The following WNT2 variants were observed in gnomAD, a reference collection of about 807,000 sequenced individuals.
WNT2 encodes Wnt family member 2.
A neutral mutation model predicts 36.9 loss-of-function variants in WNT2; 12 were observed. The ratio of observed to expected loss-of-function variants is 0.33; its 90% CI spans 0.21 to 0.53. The LOEUF is 0.53. Among genes scored for constraint, WNT2 ranks in the 20% least tolerant of loss-of-function variants. The pLI is 0.95. For missense variants in WNT2, 379 were observed against 473.1 expected (o/e 0.80, Z 1.84); for synonymous variants, 163 against 174.6 (o/e 0.93, Z 0.52).
chr7:117,317,624 G>T (rs964782574), intron 2 of WNT2, among the ~76,000 whole-genome samples: 1 of 152,138 alleles, frequency 6.6e-6, no homozygotes, highest in East Asian at 1.9e-4. Flanking sequence ...TTGATCTTGG[G>T]CCTTTTCTTA....
At chr7:117,315,393 T>C in intron 2 of WNT2, 45 bp from the exon 3 acceptor site, 1 of 1,563,040 alleles carries the variant, frequency 6.4e-7, no homozygotes, top group Non-Finnish European at 8.7e-7. Flanking sequence ...GTAGCACTAT[T>C]TCTGAATAAC....
At chr7:117,289,160 C>T (rs980041708) in intron 4 of WNT2, among the ~76,000 whole-genome samples, 7 of 148,296 alleles carry the variant, frequency 4.7e-5, no homozygotes, top group African/African-American at 1.7e-4. Context: ...CCCAGGTTCA[C>T]GCTATTCTCC....
At position 117,290,691 on chromosome 7, in the gene WNT2, C is replaced by T. The variant is rs572000795; in HGVS notation, c.853+6921G>A. On this transcript the variant is annotated intron_variant, in intron 4 of 4. Coordinates refer to ENST00000265441, the MANE Select transcript of WNT2 (RefSeq NM_003391.3). ...ACAAGGACTGAAACCTAAACACCAC[C>T]ACTTTCCTGCCCCAGTGTGAGGGTT... 2.0e-5 allele frequency among the ~76,000 whole-genome samples: 3 copies of T among 152,312 alleles called. No individual in the cohort carries two copies. In the South Asian group the frequency reaches 6.2e-4, roughly 32 times the overall value.
intron 3 of WNT2, among the ~76,000 whole-genome samples, chr7:117,302,365 A>C (rs1794922890): frequency 6.6e-6 from 1 of 152,232 alleles, no homozygotes; most frequent in African/African-American, 2.4e-5. Context: ...TAAAAATGTC[A>C]ATTTTTTTAA....
chr7:117,285,424 A>G (rs139441149), intron 4 of WNT2, among the ~76,000 whole-genome samples: 1 of 152,246 alleles, frequency 6.6e-6, no homozygotes, highest in African/African-American at 2.4e-5. Context: ...TCTGGTTCAG[A>G]GAAGCCAATA....
At position 117,297,810 on chromosome 7, in the gene WNT2, T is replaced by G. The variant is rs1389528247; in HGVS notation, c.655A>C (p.Thr219Pro). The change falls in exon 4 of 5, where the codon ACA (threonine) becomes CCA (proline). Residue 219 changes from threonine to proline, a missense_variant. Physicochemically the swap from Thr to Pro is conservative, Grantham distance 38. Coordinates refer to ENST00000265441, the MANE Select transcript of WNT2 (RefSeq NM_003391.3). ...HGVSGSCTLR[T>P]CWLAMADFRK... is the part of the protein sequence containing the mutation. ...AAGTCGGCCATGGCCAGCCAGCATG[T>G]CCTGAGAGTACATGAGCCGCTCACC... The G allele has an allele frequency of 6.2e-7, 1 of 1,614,022 alleles. No individual in the cohort carries two copies. The highest frequency in any genetic ancestry group is 8.5e-7 in the Non-Finnish European group (1 of 1,180,018).
At position 117,304,904 on chromosome 7, in the gene WNT2, G is replaced by T. The variant is rs944632091; in HGVS notation, c.589-7028C>A. 2.6e-5 allele frequency among the ~76,000 whole-genome samples: 4 copies of T among 152,254 alleles called. No homozygotes were observed. In the East Asian group the frequency reaches 7.7e-4, roughly 29 times the overall value. ...TGGCTCTTTCCACCCCCTTACTCAT[G>T]TCTACCCAGAGGAAGATAAGTGATT... On this transcript the variant is annotated intron_variant, in intron 3 of 4. Coordinates refer to ENST00000265441, the MANE Select transcript of WNT2 (RefSeq NM_003391.3).
chr7:117,299,290 C>T (rs1794856279), intron 3 of WNT2, among the ~76,000 whole-genome samples: 1 of 152,224 alleles, frequency 6.6e-6, no homozygotes, highest in African/African-American at 2.4e-5. Flanking sequence ...CCATGTGGCT[C>T]TCACCTGTCC....
intron 3 of WNT2, among the ~76,000 whole-genome samples, chr7:117,302,050 C>A (rs1319449927): frequency 1.3e-5 from 2 of 151,954 alleles, no homozygotes; most frequent in African/African-American, 2.4e-5. Flanking sequence ...TCTGCCTCAG[C>A]CTCCCAAAGT....
chr7:117,306,030 G>A (rs1795008346), intron 3 of WNT2, among the ~76,000 whole-genome samples: 1 of 152,060 alleles, frequency 6.6e-6, no homozygotes, highest in African/African-American at 2.4e-5. Flanking sequence ...GCATTCTCAG[G>A]GCTTCTTCCC....
Position 117,278,323 on chromosome 7 carries a change from T to C in WNT2, c.915A>G (p.Glu305=). 5.0e-6 allele frequency: 8 copies of C among 1,614,190 alleles called. No individual in the cohort carries two copies. The highest frequency in any genetic ancestry group is 6.8e-6 in the Non-Finnish European group (8 of 1,180,032). The change falls in exon 5 of 5, where the codon GAA becomes GAG. Residue 305 remains glutamate (E), a synonymous_variant. Coordinates refer to ENST00000265441, the MANE Select transcript of WNT2 (RefSeq NM_003391.3). The part of the protein sequence containing the change: ...NLTSRGMDSC[E]VMCCGRGYDT... The stretch of plus-strand genomic sequence containing the variant: ...CGTAGCCTCTCCCACAGCACATGAC[T>C]TCACAGCTGTCCATGCCCCGGGAAG...
chr7:117,278,457 C>A, intron 4 of WNT2, 73 bp from the exon 5 acceptor site: 3 of 1,422,716 alleles, frequency 2.1e-6, no homozygotes, highest in Non-Finnish European at 2.9e-6. Context: ...GGAGGAGTCA[C>A]GAGGTCCATC....
chr7:117,300,114 T>C (rs1049121939), intron 3 of WNT2, among the ~76,000 whole-genome samples: 2 of 152,188 alleles, frequency 1.3e-5, no homozygotes. Flanking sequence ...TGATTCAGTT[T>C]GGGCCAATCC....
chr7:117,315,300 A>T lies in WNT2; in HGVS notation c.359T>A (p.Val120Glu). ...GCTACAGGCCCTGGTGATGGCAAAT[A>T]CAACTCCAGCTGAGGAGATGGCATA... is the stretch of plus-strand genomic sequence containing the variant. ...FVYAISSAGV[V>E]FAITRACSQG... Residue 120 changes from valine to glutamate, a missense_variant, in exon 3 of 5, where the codon GTA becomes GAA. Transcript: ENST00000265441. 1.9e-6 allele frequency: 3 copies of T among 1,614,196 alleles called. No homozygotes were observed. The highest frequency in any genetic ancestry group is 2.5e-6 in the Non-Finnish European group (3 of 1,180,012).
intron 2 of WNT2, 121 bp downstream of exon 2, chr7:117,320,446 A>G: frequency 3.0e-6 from 3 of 1,009,450 alleles, no homozygotes; most frequent in Non-Finnish European, 4.5e-6. Context: ...AATGACGCCC[A>G]ACTGAACAAA....
intron 3 of WNT2, among the ~76,000 whole-genome samples, chr7:117,314,042 G>T (rs1243222132): frequency 1.3e-5 from 2 of 152,102 alleles, no homozygotes; most frequent in Non-Finnish European, 2.9e-5. Context: ...AGCCCCCCCA[G>T]GGACCTTTCA....
intron 3 of WNT2, among the ~76,000 whole-genome samples, chr7:117,304,894 C>A (rs544825972): frequency 6.6e-6 from 1 of 152,152 alleles, no homozygotes; most frequent in Non-Finnish European, 1.5e-5. Flanking sequence ...CTTTCCACCC[C>A]CTTACTCATG....
chr7:117,316,517 T>G (rs1795223059), intron 2 of WNT2, among the ~76,000 whole-genome samples: 1 of 152,188 alleles, frequency 6.6e-6, no homozygotes, highest in African/African-American at 2.4e-5. Context: ...GAGTGTGACT[T>G]TTTGAACCAC....
At position 117,288,143 on chromosome 7, in the gene WNT2, A is replaced by G. The variant is rs190934629; in HGVS notation, c.853+9469T>C. ...AATGATCTTGCTTGGTATATGGAAA[A>G]CACATACCAAAAACGTGGCACATTT... On this transcript the variant is annotated intron_variant, in intron 4 of 4. Coordinates refer to ENST00000265441, the MANE Select transcript of WNT2 (RefSeq NM_003391.3). Among the ~76,000 whole-genome samples, 27 of 152,326 alleles carry G rather than the reference A, an allele frequency of 1.8e-4. No individual in the cohort carries two copies. In the East Asian group the frequency reaches 3.7e-3, roughly 21 times the overall value.
Sources: allele counts gnomAD v4.1 joint callset (sites outside exome capture counted in the v4.1 genomes callset), GRCh38; gene constraint gnomAD v4.1.1; transcripts MANE v1.5; gene names NCBI Gene and HGNC (gene_info 2026-07-23, HGNC 2026-07-21).